USP50: variants seen among roughly 807,000 people sequenced by gnomAD.
The protein encoded by USP50 is ubiquitin specific peptidase 50.
A neutral mutation model predicts 39.2 loss-of-function variants in USP50; 37 were observed. The observed-to-expected ratio is 0.94, with a 90% confidence interval of 0.73 to 1.24. USP50 has a LOEUF of 1.24. Among genes scored for constraint, USP50 ranks in the 50% most tolerant of loss-of-function variants. USP50 has a pLI of 0.00. For missense variants in USP50, 374 were observed against 398.2 expected (o/e 0.94, Z 0.52); for synonymous variants, 139 against 144.5 (o/e 0.96, Z 0.27).
At chr15:50,516,382 C>T (rs896613622) in intron 6 of USP50, among the ~76,000 whole-genome samples, 6 of 152,058 alleles carry the variant, frequency 3.9e-5, no homozygotes, top group Non-Finnish European at 8.8e-5. Flanking sequence ...AGGTGGATCA[C>T]GAGGTCAGGA....
chr15:50,532,841 C>A (rs1038711105), intron 5 of USP50, among the ~76,000 whole-genome samples: 2 of 152,112 alleles, frequency 1.3e-5, no homozygotes, highest in Non-Finnish European at 2.9e-5. Flanking sequence ...CTTGTTAGTA[C>A]AGTGGTTAGT....
chr15:50,513,513 C>G (rs1181625033), intron 6 of USP50: 26 of 106,256 alleles, frequency 2.4e-4, no homozygotes, highest in Non-Finnish European at 1.8e-5. Context: ...AAGAGCGAAA[C>G]TGTCTAAAAA....
intron 6 of USP50, among the ~76,000 whole-genome samples, chr15:50,519,687 C>T (rs2052832289): frequency 6.6e-6 from 1 of 151,720 alleles, no homozygotes; most frequent in African/African-American, 2.4e-5. Flanking sequence ...TGCAGTCCAG[C>T]CTGGGCAAAA....
chr15:50,505,617 A>G (rs1197012486), intron 6 of USP50: 3 of 152,252 alleles, frequency 2.0e-5, no homozygotes, highest in African/African-American at 7.2e-5. Flanking sequence ...ATAACCCAAT[A>G]TGAACAGTAG....
intron 3 of USP50, among the ~76,000 whole-genome samples, chr15:50,541,962 C>T (rs1297398180): frequency 1.3e-5 from 2 of 151,260 alleles, no homozygotes; most frequent in Non-Finnish European, 2.9e-5. Flanking sequence ...CATCTGTAAT[C>T]GTCGTGCTTT....
At chr15:50,533,477 G>GA (rs200192822) in intron 5 of USP50, among the ~76,000 whole-genome samples, 16 of 151,804 alleles carry the variant, frequency 1.1e-4, no homozygotes, top group South Asian at 1.0e-3. Context: ...GAGTGGGGGG[G>GA]AAAAAAACAC....
intron 6 of USP50, among the ~76,000 whole-genome samples, chr15:50,524,862 A>G (rs773010401): frequency 6.6e-6 from 1 of 152,084 alleles, no homozygotes; most frequent in Non-Finnish European, 1.5e-5. Context: ...TGACAGAGCA[A>G]AACCCAGTCT....
intron 3 of USP50, among the ~76,000 whole-genome samples, chr15:50,543,340 A>G (rs1209237880): frequency 6.6e-6 from 1 of 152,218 alleles, no homozygotes; most frequent in Non-Finnish European, 1.5e-5. Flanking sequence ...TTCCCAAAAG[A>G]CATTCTAATT....
At chr15:50,506,977 A>T (rs1362491823) in intron 6 of USP50, 1 of 152,012 alleles carries the variant, frequency 6.6e-6, no homozygotes, top group East Asian at 1.9e-4. Flanking sequence ...AAAAAAAAAA[A>T]AAAAAAAAAA....
intron 6 of USP50, 33 bp downstream of exon 6, chr15:50,529,764 T>C (rs777870739): frequency 1.3e-6 from 2 of 1,593,276 alleles, no homozygotes; most frequent in East Asian, 2.2e-5. Flanking sequence ...TTCTTTAAAA[T>C]TGGATTACTT....
chr15:50,499,245 GACAAATA>G (rs1407465997), downstream of USP50: 1 of 570,280 alleles, frequency 1.8e-6, no homozygotes, highest in Non-Finnish European at 2.7e-6. Context: ...GGTCAGTGCT[GACAAATA>G]ACATTTAACA....
At chr15:50,503,398 G>T (rs55928286) in intron 6 of USP50, 19,829 of 152,264 alleles carry the variant, frequency 0.13, 1,633 homozygotes, top group East Asian at 0.28. Context: ...CGTAAAGACA[G>T]TCCCTAGTTT....
At chr15:50,493,138 G>T, downstream of USP50, 1 of 617,134 alleles carries the variant, frequency 1.6e-6, no homozygotes, top group Admixed American at 2.1e-5. Flanking sequence ...GTAGAAGGTG[G>T]AAGCGAAAGA....
Position 50,538,860 on chromosome 15 carries a change from G to GAA in USP50, c.661-11_661-10dup. The GAA allele has an allele frequency of 6.3e-7, 1 of 1,583,420 alleles. No homozygotes were observed. The highest frequency in any genetic ancestry group is 8.6e-7 in the Non-Finnish European group (1 of 1,167,232). ...AAACATTGGAGACAGTCCTGTTAAG[G>GAA]AAAAAAAGGATTTGGTGACCAAATT... is the stretch of plus-strand genomic sequence containing the variant. On this transcript the variant is annotated splice_polypyrimidine_tract_variant and intron_variant, in intron 4 of 6. Transcript: ENST00000532404.
intron 5 of USP50, among the ~76,000 whole-genome samples, chr15:50,533,870 T>A (rs1274358439): frequency 6.6e-6 from 1 of 151,936 alleles, no homozygotes; most frequent in Non-Finnish European, 1.5e-5. Context: ...CATGGTGGTG[T>A]GGGCCTGTAG....
intron 5 of USP50, among the ~76,000 whole-genome samples, chr15:50,536,632 C>T (rs1383738410): frequency 2.0e-5 from 3 of 151,844 alleles, no homozygotes; most frequent in Non-Finnish European, 4.4e-5. Context: ...CAGAGCAAGA[C>T]TCCATCTCAA....
chr15:50,494,106 A>G (rs2052282584), exon 2 of USP50: 1 of 1,609,936 alleles, frequency 6.2e-7, no homozygotes. Flanking sequence ...AAGTGGCAGA[A>G]GAATTTGGTA....
chr15:50,518,281 C>T (rs371817548), intron 6 of USP50, among the ~76,000 whole-genome samples: 2 of 150,330 alleles, frequency 1.3e-5, no homozygotes, highest in East Asian at 2.0e-4. Flanking sequence ...AGTGCAGTGG[C>T]GCGATCTTGG....
intron 5 of USP50, among the ~76,000 whole-genome samples, chr15:50,537,205 C>A (rs762209285): frequency 1.3e-5 from 2 of 150,394 alleles, no homozygotes; most frequent in Non-Finnish European, 3.0e-5. Flanking sequence ...CCTTTTTCAA[C>A]AAATGGTGCT....
Sources: allele counts gnomAD v4.1 joint callset (sites outside exome capture counted in the v4.1 genomes callset), GRCh38; gene constraint gnomAD v4.1.1; transcripts MANE v1.5; gene names NCBI Gene and HGNC (gene_info 2026-07-23, HGNC 2026-07-21).